Variants in DCDC1 observed in about 807,000 individuals in gnomAD.
DCDC1 encodes the protein doublecortin domain containing 1, also known as doublecortin domain-containing protein 1.
DCDC1 carries 200 observed loss-of-function variants against 178.3 expected under a neutral mutation model. The observed-to-expected ratio is 1.12, with a 90% CI of 1.00 to 1.26. The LOEUF (loss-of-function observed/expected upper bound fraction) is 1.26, where lower values mean the gene tolerates loss of function less well. Among genes scored for constraint, DCDC1 ranks in the 50% most tolerant of loss-of-function variants. The probability of loss-of-function intolerance (pLI) is 0.00; values close to 1 mark genes in which losing one functional copy is unlikely to be tolerated. For missense variants in DCDC1, 1,983 were observed against 1,749.2 expected (o/e 1.13, Z -2.38); for synonymous variants, 690 against 604.8 (o/e 1.14, Z -2.07).
At chr11:31,300,619 A>G (rs578061319) in intron 6 of DCDC1, among the ~76,000 whole-genome samples, 2 of 152,122 alleles carry the variant, frequency 1.3e-5, no homozygotes, top group African/African-American at 4.8e-5. Context: ...CATTTCTCAC[A>G]ACTCTCCTAA....
chr11:31,085,494 T>C (rs1222080679), intron 17 of DCDC1, among the ~76,000 whole-genome samples: 1 of 152,198 alleles, frequency 6.6e-6, no homozygotes, highest in Non-Finnish European at 1.5e-5. Flanking sequence ...AAACAATATG[T>C]ACTTTTTTTG....
intron 9 of DCDC1, among the ~76,000 whole-genome samples, chr11:31,205,364 T>C (rs1971747063): frequency 1.3e-5 from 2 of 152,216 alleles, no homozygotes; most frequent in African/African-American, 4.8e-5. Context: ...ACCCTTGGCC[T>C]AAAATATGAC....
intron 20 of DCDC1, among the ~76,000 whole-genome samples, chr11:31,022,686 T>TGG (rs1555013724): frequency 8.9e-5 from 13 of 146,682 alleles, no homozygotes; most frequent in Admixed American, 3.5e-4. Context: ...TGTGTGTGTG[T>TGG]GGTATGTGTT....
chr11:30,888,983 C>T (rs1370877117), intron 36 of DCDC1, among the ~76,000 whole-genome samples: 3 of 152,186 alleles, frequency 2.0e-5, no homozygotes, highest in Non-Finnish European at 4.4e-5. Flanking sequence ...TCCCTGTGGG[C>T]GTGAGGTACT....
At chr11:30,978,546 C>A (rs1409672744) in intron 20 of DCDC1, among the ~76,000 whole-genome samples, 1 of 151,942 alleles carries the variant, frequency 6.6e-6, no homozygotes, top group African/African-American at 2.4e-5. Flanking sequence ...TTGTTCCATG[C>A]ATAGAATGTG....
rs531243086 is a variant in DCDC1 at position 31,017,595 on chromosome 11, T to A, written c.2591+46874A>T. Among the ~76,000 whole-genome samples the A allele has an allele frequency of 1.7e-3, 263 of 152,158 alleles. 1 individual carries two copies. Among genetic ancestry groups the A allele is most frequent in the African/African-American group, 6.1e-3 (254 of 41,556 alleles). On this transcript the variant is annotated intron_variant, in intron 20 of 38. Coordinates refer to ENST00000684477, the MANE Select transcript of DCDC1 (RefSeq NM_001387274.1). ...TTTTCACTAAGTTATTAATTTTTTT[T>A]TTTTGAGACAGTCTTGCTCTGTCTC...
intron 38 of DCDC1, among the ~76,000 whole-genome samples, chr11:30,865,913 G>T (rs185891047): frequency 1.3e-5 from 2 of 152,104 alleles, no homozygotes; most frequent in African/African-American, 2.4e-5. Context: ...GAGGTTTGGG[G>T]ATTTTTGTTA....
chr11:31,038,534 A>G (rs576549164), intron 20 of DCDC1, among the ~76,000 whole-genome samples: 1 of 152,304 alleles, frequency 6.6e-6, no homozygotes, highest in South Asian at 2.1e-4. Flanking sequence ...TGTTATGATG[A>G]TGAAGTCCTG....
chr11:31,107,000 TAA>T, intron 12 of DCDC1, 40 bp from the exon 13 acceptor site: 1 of 718,716 alleles, frequency 1.4e-6, no homozygotes, highest in Non-Finnish European at 2.5e-6. Flanking sequence ...TAGAGGAGAA[TAA>T]ATAACCTAAA....
At chr11:31,040,457 G>A (rs1326658639) in intron 20 of DCDC1, among the ~76,000 whole-genome samples, 1 of 152,108 alleles carries the variant, frequency 6.6e-6, no homozygotes, top group Non-Finnish European at 1.5e-5. Context: ...TGTGGGAACC[G>A]CTGTTATAGT....
At chr11:31,100,144 T>A (rs959964689) in intron 15 of DCDC1, among the ~76,000 whole-genome samples, 3 of 152,152 alleles carry the variant, frequency 2.0e-5, no homozygotes, top group Non-Finnish European at 4.4e-5. Flanking sequence ...GAGGTCCACA[T>A]GGGCATAACA....
At chr11:31,187,254 C>G (rs570996393) in intron 9 of DCDC1, among the ~76,000 whole-genome samples, 1 of 152,158 alleles carries the variant, frequency 6.6e-6, no homozygotes, top group Non-Finnish European at 1.5e-5. Context: ...GTATCTAATG[C>G]CATTGGTGCA....
chr11:31,055,647 T>C (rs1198539984), intron 20 of DCDC1, among the ~76,000 whole-genome samples: 2 of 152,222 alleles, frequency 1.3e-5, no homozygotes, highest in African/African-American at 4.8e-5. Context: ...TTGGTTTATT[T>C]ATATGATGGA....
At chr11:31,346,404 C>T (rs370326431) in intron 1 of DCDC1, among the ~76,000 whole-genome samples, 87 of 136,950 alleles carry the variant, frequency 6.4e-4, no homozygotes, top group African/African-American at 2.1e-3. Flanking sequence ...GCGGAGATTG[C>T]GGTGAGCCAA....
intron 1 of DCDC1, among the ~76,000 whole-genome samples, chr11:31,369,012 C>A (rs1952127296): frequency 6.6e-6 from 1 of 152,172 alleles, no homozygotes; most frequent in Non-Finnish European, 1.5e-5. Context: ...ATGCAGTGCC[C>A]CCTAACTGCT....
intron 20 of DCDC1, among the ~76,000 whole-genome samples, chr11:30,995,193 TAA>T: frequency 6.6e-6 from 1 of 152,206 alleles, no homozygotes; most frequent in African/African-American, 2.4e-5. Context: ...CACTTAGGTA[TAA>T]GTCTTTTTAA....
At chr11:31,355,783 G>A (rs962361242) in intron 1 of DCDC1, among the ~76,000 whole-genome samples, 2 of 152,042 alleles carry the variant, frequency 1.3e-5, no homozygotes, top group Non-Finnish European at 2.9e-5. Flanking sequence ...TGGCCAGGCC[G>A]GTCTCGAGCT....
At chr11:30,963,889 A>G (rs1200052158) in intron 20 of DCDC1, among the ~76,000 whole-genome samples, 2 of 151,948 alleles carry the variant, frequency 1.3e-5, no homozygotes, top group African/African-American at 2.4e-5. Flanking sequence ...TTTTTCTGCT[A>G]TCTACTTCTG....
chr11:31,149,802 G>T (rs951483299), intron 9 of DCDC1, among the ~76,000 whole-genome samples: 1 of 151,986 alleles, frequency 6.6e-6, no homozygotes, highest in African/African-American at 2.4e-5. Flanking sequence ...CAGGAAGGAA[G>T]AAACTCCAGA....
Sources: gnomAD v4.1 joint callset for allele counts (sites outside exome capture counted in the v4.1 genomes callset) on GRCh38, gnomAD v4.1.1 for gene constraint, MANE v1.5 for transcripts, NCBI Gene and HGNC (gene_info 2026-07-23, HGNC 2026-07-21) for gene names.